Variants in MYH15 observed in about 807,000 individuals in gnomAD.
The protein encoded by MYH15 is myosin heavy chain 15, also known as myosin-15.
Under a neutral mutation model 240.5 loss-of-function variants are expected in MYH15, and 227 were observed. The observed-to-expected ratio is 0.94, with a 90% CI of 0.85 to 1.05. MYH15 has a LOEUF of 1.05. Among genes scored for constraint, MYH15 ranks in the 50% least tolerant of loss-of-function variants. The pLI is 0.00. For missense variants in MYH15, 2,217 were observed against 2,247.5 expected, an observed-to-expected ratio of 0.99 and a Z score of 0.27; for synonymous variants, 785 against 796.7, an observed-to-expected ratio of 0.99 and a Z score of 0.25.
rs1008702574 is a variant in MYH15 at position 108,507,442 on chromosome 3, G to A, written c.89-1613C>T. Among the ~76,000 whole-genome samples the A allele has an allele frequency of 2.5e-4, 14 of 56,850 alleles. 1 individual carries two copies. Among genetic ancestry groups the A allele is most frequent in the African/African-American group, 5.7e-4 (8 of 14,062 alleles). The allele number at this position is 56,850 out of a possible 152,430, so 37.3% of individuals were successfully genotyped here. A position where few individuals can be genotyped will look rare whatever the true frequency, so the allele number is the denominator to read the frequency against. On this transcript the variant is annotated intron_variant, in intron 1 of 40. Transcript: ENST00000693548. ...TAACCACAGCACTAACAGGTAATGC[G>A]AACTCAGTCACCAACCATCACCTCC...
chr3:108,522,906 C>A lies in MYH15; in HGVS notation c.-58+6357G>T, dbSNP rs2083632258. Among the ~76,000 whole-genome samples, 4 of 152,164 alleles carry A rather than the reference C, an allele frequency of 2.6e-5. No homozygotes were observed. The South Asian group carries it at 8.3e-4, about 32-fold the overall frequency. On this transcript the variant is annotated intron_variant, in intron 1 of 41. Coordinates refer to the MYH15 transcript ENST00000273353. ...TGATACAGGGAGGAAAAGAGGGCAT[C>A]TTCCACGCAGATTTGCTACAGATTT... is the stretch of plus-strand genomic sequence containing the variant.
upstream of MYH15, among the ~76,000 whole-genome samples, chr3:108,514,028 C>T (rs546411400): frequency 1.2e-3 from 189 of 152,230 alleles, 2 homozygotes; most frequent in South Asian, 7.7e-3. Flanking sequence ...AAAGTAAAGA[C>T]AAAGAATGGG....
chr3:108,433,527 G>C (rs2082798684), intron 25 of MYH15, among the ~76,000 whole-genome samples: 1 of 152,130 alleles, frequency 6.6e-6, no homozygotes, highest in South Asian at 2.1e-4. Flanking sequence ...TGGTTTGGCT[G>C]TGTCCCCATC....
chr3:108,461,840 C>G (rs922089677), intron 16 of MYH15: 1 of 152,126 alleles, frequency 6.6e-6, no homozygotes, highest in Non-Finnish European at 1.5e-5. Flanking sequence ...AATTTTCTCT[C>G]CATTCCCTAT....
intron 30 of MYH15, among the ~76,000 whole-genome samples, chr3:108,411,376 T>G (rs1050118804): frequency 2.0e-5 from 3 of 152,228 alleles, no homozygotes; most frequent in Non-Finnish European, 4.4e-5. Context: ...GAACACTCTC[T>G]TGCTTTTTCC....
upstream of MYH15, among the ~76,000 whole-genome samples, chr3:108,511,307 G>A (rs1303464666): frequency 1.3e-5 from 2 of 152,136 alleles, no homozygotes; most frequent in Non-Finnish European, 2.9e-5. Context: ...GGCACAGCTG[G>A]GCATTTGGGA....
intron 1 of MYH15, among the ~76,000 whole-genome samples, chr3:108,509,609 G>A (rs2083506389): frequency 6.6e-6 from 1 of 152,126 alleles, no homozygotes; most frequent in African/African-American, 2.4e-5. Flanking sequence ...GACTAATTCT[G>A]AATACTAGAA....
In MYH15 at chr3:108,439,773, G is replaced by T; in HGVS notation, c.3039C>A (p.Ser1013Arg). 6.2e-7 allele frequency: 1 copy of T among 1,610,054 alleles called. No individual in the cohort carries two copies. Among genetic ancestry groups the T allele is most frequent in the Non-Finnish European group, 8.5e-7 (1 of 1,178,526 alleles). ...GCTGTTCCAGCTTCAGATTTGCTTTGCTCAGGCTGCTGAGCTTCTCCTCCT... is the reference window on the plus strand; with the variant it reads ...GCTGTTCCAGCTTCAGATTTGCTTTTCTCAGGCTGCTGAGCTTCTCCTCCT... ...HMEEEKLSSLSKANLKLEQQV... is the reference protein window; with the variant it reads ...HMEEEKLSSLRKANLKLEQQV... The change falls in exon 24 of 41, where the codon AGC becomes AGA. Residue 1013 changes from serine to arginine, a missense_variant. Transcript: ENST00000693548.
chr3:108,444,356 A>C (rs2082909794), intron 22 of MYH15, among the ~76,000 whole-genome samples: 1 of 152,098 alleles, frequency 6.6e-6, no homozygotes, highest in African/African-American at 2.4e-5. Flanking sequence ...GGCTACATAG[A>C]AACTTTAAAT....
At chr3:108,484,953 C>T (rs572657825) in intron 11 of MYH15, 138 bp downstream of exon 11, 7 of 874,372 alleles carry the variant, frequency 8.0e-6, no homozygotes, top group Admixed American at 5.4e-5. Context: ...TTGACAGAAC[C>T]GTTTTTGAAG....
intron 7 of MYH15, 68 bp from the exon 8 acceptor site, chr3:108,493,245 C>T (rs1222960595): frequency 8.5e-7 from 1 of 1,176,694 alleles, no homozygotes; most frequent in Non-Finnish European, 1.3e-6. Context: ...CAAGCACTTG[C>T]AATGGCTTCA....
chr3:108,437,080 A>G (rs2082844445), intron 25 of MYH15, among the ~76,000 whole-genome samples: 1 of 152,006 alleles, frequency 6.6e-6, no homozygotes, highest in Non-Finnish European at 1.5e-5. Flanking sequence ...TTTAATATTT[A>G]TATAGTAAAT....
chr3:108,535,703 T>C, the MYH15 span, among the ~76,000 whole-genome samples: 1 of 152,170 alleles, frequency 6.6e-6, no homozygotes, highest in African/African-American at 2.4e-5. Context: ...AGAGTGTTTT[T>C]TGGGGGGTTT....
At chr3:108,433,011 T>A (rs537707570) in intron 25 of MYH15, among the ~76,000 whole-genome samples, 2 of 152,202 alleles carry the variant, frequency 1.3e-5, no homozygotes, top group South Asian at 2.1e-4. Context: ...ACCAGAATGG[T>A]AGATCCACTG....
intron 13 of MYH15, 124 bp from the exon 14 acceptor site, chr3:108,470,336 A>T: frequency 1.6e-6 from 1 of 629,452 alleles, no homozygotes; most frequent in Non-Finnish European, 2.6e-6. Flanking sequence ...CCAACAAGTA[A>T]CAAATGCTCA....
chr3:108,527,734 C>T (rs2083683732), intron 1 of MYH15, among the ~76,000 whole-genome samples: 1 of 152,102 alleles, frequency 6.6e-6, no homozygotes, highest in African/African-American at 2.4e-5. Context: ...GCTCTGAAGT[C>T]AGGCTGCCTG....
intron 35 of MYH15, among the ~76,000 whole-genome samples, chr3:108,397,771 T>G (rs1223067363): frequency 6.6e-6 from 1 of 152,140 alleles, no homozygotes; most frequent in Non-Finnish European, 1.5e-5. Context: ...CACTCAGAAT[T>G]GTTAGGGCTT....
chr3:108,448,914 GATAAAAAAATCAAC>G (rs2082950645), intron 21 of MYH15, among the ~76,000 whole-genome samples: 1 of 151,248 alleles, frequency 6.6e-6, no homozygotes, highest in African/African-American at 2.4e-5. Flanking sequence ...AAAGTTGCAG[GATAAAAAAATCAAC>G]ATAAAAAATT....
At chr3:108,537,822 T>G in the MYH15 span, among the ~76,000 whole-genome samples, 1 of 151,988 alleles carries the variant, frequency 6.6e-6, no homozygotes, top group African/African-American at 2.4e-5. Flanking sequence ...CAAAGAAAAA[T>G]AATTAAAATG....
Sources: allele counts gnomAD v4.1 joint callset (sites outside exome capture counted in the v4.1 genomes callset), GRCh38; gene constraint gnomAD v4.1.1; transcripts MANE v1.5; gene names NCBI Gene and HGNC (gene_info 2026-07-23, HGNC 2026-07-21).